Variants in CHCHD3 observed in about 807,000 individuals in gnomAD.
CHCHD3 encodes MICOS complex subunit MIC19.
CHCHD3 carries 20 observed loss-of-function variants against 38.2 expected under a neutral mutation model. That is an observed-to-expected ratio of 0.52 (90% CI 0.37 to 0.76). The LOEUF is 0.76. Ranked by LOEUF, CHCHD3 falls within the 30% of genes least tolerant of loss-of-function variation. The probability of loss-of-function intolerance (pLI) is 0.00; values close to 1 mark genes in which losing one functional copy is unlikely to be tolerated. For missense variants in CHCHD3, 245 were observed against 279.2 expected (o/e 0.88, Z 0.87); for synonymous variants, 82 against 100.0 (o/e 0.82, Z 1.07).
At chr7:132,961,446 T>C (rs991208373) in intron 4 of CHCHD3, among the ~76,000 whole-genome samples, 2 of 152,350 alleles carry the variant, frequency 1.3e-5, no homozygotes, top group Non-Finnish European at 2.9e-5. Context: ...TCTTTATTTT[T>C]CCCCAGTTTT....
chr7:133,028,313 A>G (rs1015852434), intron 2 of CHCHD3, among the ~76,000 whole-genome samples: 2 of 152,204 alleles, frequency 1.3e-5, no homozygotes, highest in Non-Finnish European at 2.9e-5. Flanking sequence ...GGCTTCTGTA[A>G]AACCTCAGAG....
intron 2 of CHCHD3, among the ~76,000 whole-genome samples, chr7:133,026,894 A>T (rs540818526): frequency 6.6e-6 from 1 of 152,136 alleles, no homozygotes; most frequent in Non-Finnish European, 1.5e-5. Context: ...AATGACAGCT[A>T]ATGGGTATGG....
At chr7:132,946,667 TA>T (rs1291556026) in intron 4 of CHCHD3, among the ~76,000 whole-genome samples, 1 of 151,746 alleles carries the variant, frequency 6.6e-6, no homozygotes, top group Non-Finnish European at 1.5e-5. Context: ...AAATATGGAG[TA>T]AAACCTGGTA....
chr7:132,785,766 T>C (rs546624906), intron 7 of CHCHD3, 106 bp from the exon 8 acceptor site: 1 of 1,215,412 alleles, frequency 8.2e-7, no homozygotes, highest in South Asian at 1.3e-5. Context: ...TATCTAATTT[T>C]AAAAACACAG....
chr7:132,850,199 A>G (rs966577897), intron 5 of CHCHD3, among the ~76,000 whole-genome samples: 4 of 152,182 alleles, frequency 2.6e-5, no homozygotes, highest in Non-Finnish European at 5.9e-5. Flanking sequence ...AAGAATTAAA[A>G]AATGTCAAAG....
intron 4 of CHCHD3, among the ~76,000 whole-genome samples, chr7:132,893,381 C>T (rs1422743091): frequency 6.6e-6 from 1 of 152,188 alleles, no homozygotes; most frequent in Non-Finnish European, 1.5e-5. Context: ...AGTACCCCCA[C>T]TTTATCTTGG....
At chr7:132,969,269 C>G (rs1313564590) in intron 4 of CHCHD3, among the ~76,000 whole-genome samples, 1 of 151,634 alleles carries the variant, frequency 6.6e-6, no homozygotes, top group Non-Finnish European at 1.5e-5. Context: ...TGACACTTAA[C>G]TTCAGACTCT....
chr7:132,926,047 T>C (rs1273054088), intron 4 of CHCHD3, among the ~76,000 whole-genome samples: 5 of 152,190 alleles, frequency 3.3e-5, no homozygotes. Flanking sequence ...CCATCTACCA[T>C]TCTGAAGTGC....
chr7:132,945,613 A>G (rs1810879544), intron 4 of CHCHD3, among the ~76,000 whole-genome samples: 1 of 151,942 alleles, frequency 6.6e-6, no homozygotes. Flanking sequence ...GAGTAAGCTG[A>G]TAAGGTAACA....
chr7:132,950,570 T>C (rs1021340236), intron 4 of CHCHD3, among the ~76,000 whole-genome samples: 15 of 152,188 alleles, frequency 9.9e-5, no homozygotes, highest in Non-Finnish European at 1.9e-4. Flanking sequence ...CAACGGGCCA[T>C]CCACACACAC....
At chr7:132,885,113 A>C (rs930547555) in intron 5 of CHCHD3, among the ~76,000 whole-genome samples, 6 of 151,988 alleles carry the variant, frequency 3.9e-5, no homozygotes, top group African/African-American at 1.2e-4. Context: ...TCAGCCAGGC[A>C]TGGTGGTGCA....
chr7:132,897,468 C>T (rs193098753), intron 4 of CHCHD3, among the ~76,000 whole-genome samples: 5 of 152,320 alleles, frequency 3.3e-5, no homozygotes, highest in Admixed American at 3.3e-4. Context: ...CTGAAGAAAA[C>T]ATCCAGAGAT....
At chr7:132,945,433 A>G (rs1046980912) in intron 4 of CHCHD3, among the ~76,000 whole-genome samples, 2 of 151,992 alleles carry the variant, frequency 1.3e-5, no homozygotes, top group African/African-American at 2.4e-5. Flanking sequence ...ACATATTCAC[A>G]CAAGTACATA....
intron 1 of CHCHD3, among the ~76,000 whole-genome samples, chr7:133,080,035 G>A (rs557909667): frequency 2.2e-4 from 33 of 152,326 alleles, no homozygotes; most frequent in Non-Finnish European, 4.4e-4. Context: ...TTGCAGATGG[G>A]AAAACTGAAG....
chr7:132,797,099 G>A (rs908976169), intron 6 of CHCHD3, among the ~76,000 whole-genome samples: 1 of 152,112 alleles, frequency 6.6e-6, no homozygotes, highest in African/African-American at 2.4e-5. Flanking sequence ...AATCGAAGAT[G>A]GTCTCTTTTC....
At chr7:132,929,795 C>T (rs895327792) in intron 4 of CHCHD3, among the ~76,000 whole-genome samples, 4 of 152,152 alleles carry the variant, frequency 2.6e-5, no homozygotes, top group East Asian at 1.9e-4. Context: ...GCACAGGAAG[C>T]TTTCCTTTAT....
At chr7:132,854,854 C>T (rs1024996888) in intron 5 of CHCHD3, among the ~76,000 whole-genome samples, 7 of 152,056 alleles carry the variant, frequency 4.6e-5, no homozygotes, top group African/African-American at 1.7e-4. Context: ...AGAAGGGAGG[C>T]TCTGGAGATT....
intron 5 of CHCHD3, among the ~76,000 whole-genome samples, 197 bp from the exon 6 acceptor site, chr7:132,838,666 C>A (rs1007689624): frequency 6.6e-6 from 1 of 152,162 alleles, no homozygotes; most frequent in East Asian, 1.9e-4. Flanking sequence ...TGTTGGTATG[C>A]GGATTATAAT....
Position 132,975,275 on chromosome 7 carries a change from G to T in CHCHD3, c.263C>A (p.Ala88Asp). 2 of 1,612,574 alleles carry T rather than the reference G, an allele frequency of 1.2e-6. No individual in the cohort carries two copies. The highest frequency in any genetic ancestry group is 1.7e-6 in the Non-Finnish European group (2 of 1,179,562). The change falls in exon 4 of 8, where the codon GCC (alanine) becomes GAC (aspartate). Residue 88 changes from alanine to aspartate, a missense_variant. Transcript: ENST00000262570. Reference protein sequence around the residue: ...ESEDQKRLKQAKELDRERAAA... With the variant: ...ESEDQKRLKQDKELDRERAAA... ...AGCCCTCTCTCGGTCCAGCTCTTTG[G>T]CTTGCTTTAGTCTAAAATGACAAGA... is the stretch of plus-strand genomic sequence containing the variant.
Sources: allele counts gnomAD v4.1 joint callset (sites outside exome capture counted in the v4.1 genomes callset), GRCh38; gene constraint gnomAD v4.1.1; transcripts MANE v1.5; gene names NCBI Gene and HGNC (gene_info 2026-07-23, HGNC 2026-07-21).